Variants in RNF111 observed in about 807,000 individuals in gnomAD.
RNF111 encodes E3 ubiquitin-protein ligase Arkadia.
RNF111 carries 17 observed loss-of-function variants against 95.1 expected under a neutral mutation model. The observed-to-expected ratio is 0.18, with a 90% confidence interval of 0.12 to 0.27. The LOEUF (loss-of-function observed/expected upper bound fraction) is 0.27. Ranked by LOEUF, RNF111 falls within the 10% of genes least tolerant of loss-of-function variation. The probability of loss-of-function intolerance (pLI) is 1.00; values close to 1 mark genes in which losing one functional copy is unlikely to be tolerated. For synonymous variants in RNF111, 440 were observed against 414.8 expected (o/e 1.06, Z -0.74); for missense variants, 1,189 against 1,210.4 (o/e 0.98, Z 0.26).
chr15:59,048,374 A>T (rs1395092240), intron 2 of RNF111, among the ~76,000 whole-genome samples: 1 of 152,264 alleles, frequency 6.6e-6, no homozygotes, highest in African/African-American at 2.4e-5. Context: ...TCCACTTAAC[A>T]TAAAACTTTA....
At chr15:59,010,118 A>C (rs1467834749) in intron 1 of RNF111, among the ~76,000 whole-genome samples, 1 of 152,222 alleles carries the variant, frequency 6.6e-6, no homozygotes, top group African/African-American at 2.4e-5. Flanking sequence ...GGCTAAAAAC[A>C]GATTTTGGAA....
intron 10 of RNF111, among the ~76,000 whole-genome samples, chr15:59,088,050 A>G (rs1467939516): frequency 6.6e-6 from 1 of 152,110 alleles, no homozygotes; most frequent in Non-Finnish European, 1.5e-5. Context: ...GGAAACCCCT[A>G]TTTGGTTGGC....
intron 1 of RNF111, among the ~76,000 whole-genome samples, chr15:59,015,658 C>T (rs1207232038): frequency 1.3e-5 from 2 of 151,560 alleles, no homozygotes; most frequent in African/African-American, 4.8e-5. Flanking sequence ...ACCTACAGCC[C>T]CAAGCATTAG....
rs564384430 is a variant in RNF111, at chr15:59,090,390, C to T, written c.2643+631C>T. On this transcript the variant is annotated intron_variant, in intron 11 of 13. Transcript: ENST00000348370. The stretch of plus-strand genomic sequence containing the variant: ...GATTACAGGTGCCCGCCACCACGCC[C>T]GGCTAATTTTTGTATTTTTAGTAGA... 1.2e-3 allele frequency among the ~76,000 whole-genome samples: 187 copies of T among 152,172 alleles called. 1 individual carries two copies. Among genetic ancestry groups the T allele is most frequent in the African/African-American group, 4.3e-3 (179 of 41,520 alleles).
At chr15:59,041,809 T>C (rs1399202826) in intron 2 of RNF111, among the ~76,000 whole-genome samples, 1 of 152,018 alleles carries the variant, frequency 6.6e-6, no homozygotes, top group Non-Finnish European at 1.5e-5. Flanking sequence ...TTTTAGGGGG[T>C]TTTTGGTCCG....
intron 2 of RNF111, among the ~76,000 whole-genome samples, chr15:59,036,952 T>G (rs1275053647): frequency 6.6e-6 from 1 of 151,808 alleles, no homozygotes; most frequent in Non-Finnish European, 1.5e-5. Context: ...CACCTCAGCC[T>G]CCCTAGTAGC....
rs549006528 is a variant in RNF111, at chr15:59,044,509, T to C, written c.881-7796T>C. Among the ~76,000 whole-genome samples, 10 of 152,342 alleles carry C rather than the reference T, an allele frequency of 6.6e-5. No homozygotes were observed. The East Asian group carries it at 1.5e-3, about 24-fold the overall frequency. On this transcript the variant is annotated intron_variant, in intron 2 of 13. Coordinates refer to ENST00000348370, the MANE Select transcript of RNF111 (RefSeq NM_017610.8). Reference sequence around the variant, plus strand: ...ATAAAGAACTCTCGCAGAGAAACCATTGTTTTTGTTATCATTGTTGTACTA... The same window carrying C: ...ATAAAGAACTCTCGCAGAGAAACCACTGTTTTTGTTATCATTGTTGTACTA...
intron 1 of RNF111, among the ~76,000 whole-genome samples, chr15:58,996,412 A>G (rs2141397219): frequency 6.6e-6 from 1 of 151,812 alleles, no homozygotes; most frequent in South Asian, 2.1e-4. Context: ...GTCTCAACTG[A>G]AAAATGCAAA....
intron 1 of RNF111, among the ~76,000 whole-genome samples, chr15:59,005,634 G>A (rs191836413): frequency 2.6e-5 from 4 of 152,186 alleles, no homozygotes; most frequent in African/African-American, 7.2e-5. Flanking sequence ...AGTTAGACTA[G>A]TTTGAGGTGG....
intron 4 of RNF111, 116 bp downstream of exon 4, chr15:59,055,961 AT>A: frequency 7.9e-6 from 6 of 759,288 alleles, no homozygotes; most frequent in Non-Finnish European, 1.1e-5. Context: ...CTACAGGGAA[AT>A]TGTCAGATTT....
At chr15:59,022,050 G>T (rs905251431) in intron 1 of RNF111, among the ~76,000 whole-genome samples, 23 of 151,958 alleles carry the variant, frequency 1.5e-4, no homozygotes, top group Non-Finnish European at 2.6e-4. Flanking sequence ...AGTTGAGACG[G>T]GGTATCACCA....
intron 1 of RNF111, among the ~76,000 whole-genome samples, chr15:59,012,967 G>GA (rs2039898516): frequency 6.6e-6 from 1 of 152,126 alleles, no homozygotes; most frequent in Non-Finnish European, 1.5e-5. Context: ...TTGAACTCCT[G>GA]ACCTCAGGTG....
At position 59,091,186 on chromosome 15, in the gene RNF111, G is replaced by A. The variant is rs767926231; in HGVS notation, c.2739+32G>A. On this transcript the variant is annotated intron_variant, in intron 12 of 13. Transcript: ENST00000348370. ...ATTTATTCTATGAAACTTCTGGAGTGTTACTGAAAGGCATAAATGTAATAT... is the reference window on the plus strand; with the variant it reads ...ATTTATTCTATGAAACTTCTGGAGTATTACTGAAAGGCATAAATGTAATAT... 3.2e-6 allele frequency: 4 copies of A among 1,248,496 alleles called. No individual in the cohort carries two copies. In the Admixed American group the frequency reaches 5.4e-5, roughly 17 times the overall value. 77.3% of individuals were successfully genotyped at this position (1,248,496 alleles called of 1,614,324 possible).
intron 2 of RNF111, among the ~76,000 whole-genome samples, chr15:59,036,476 C>T (rs1277693540): frequency 3.3e-5 from 5 of 152,256 alleles, no homozygotes; most frequent in Non-Finnish European, 7.4e-5. Flanking sequence ...TACATGGCAG[C>T]AGGCAAGAGA....
intron 7 of RNF111, among the ~76,000 whole-genome samples, 189 bp from the exon 8 acceptor site, chr15:59,080,747 C>G (rs1218009757): frequency 6.6e-6 from 1 of 152,034 alleles, no homozygotes; most frequent in African/African-American, 2.4e-5. Flanking sequence ...TATATATTGA[C>G]ATAAGATATC....
intron 2 of RNF111, among the ~76,000 whole-genome samples, chr15:59,038,587 G>A (rs1443213307): frequency 8.5e-5 from 13 of 152,182 alleles, no homozygotes; most frequent in African/African-American, 2.9e-4. Flanking sequence ...TCTCGCTTCA[G>A]TTGTTGACAT....
At chr15:59,050,597 G>A (rs2041934986) in intron 2 of RNF111, among the ~76,000 whole-genome samples, 2 of 152,142 alleles carry the variant, frequency 1.3e-5, no homozygotes, top group Non-Finnish European at 2.9e-5. Context: ...TATTTTAACT[G>A]CATTATTGAG....
chr15:59,037,710 C>T (rs531515255), intron 2 of RNF111, among the ~76,000 whole-genome samples: 5 of 152,236 alleles, frequency 3.3e-5, no homozygotes, highest in Admixed American at 3.3e-4. Context: ...GTGGCGCATG[C>T]CTGTAATCCC....
intron 1 of RNF111, among the ~76,000 whole-genome samples, chr15:59,018,977 G>A (rs1260098351): frequency 6.6e-6 from 1 of 151,946 alleles, no homozygotes; most frequent in African/African-American, 2.4e-5. Flanking sequence ...AGGTTGGAGT[G>A]CAGTGGTAAG....
Sources: allele counts gnomAD v4.1 joint callset (sites outside exome capture counted in the v4.1 genomes callset), GRCh38; gene constraint gnomAD v4.1.1; transcripts MANE v1.5; gene names NCBI Gene and HGNC (gene_info 2026-07-23, HGNC 2026-07-21).